Variants in CRYBG1 observed in about 807,000 individuals in gnomAD.
CRYBG1 encodes beta/gamma crystallin domain-containing protein 1.
In CRYBG1, 139 loss-of-function variants were observed where a neutral mutation model predicts 189.2. The observed-to-expected ratio is 0.73, with a 90% CI of 0.64 to 0.85. The LOEUF (loss-of-function observed/expected upper bound fraction) is 0.85. Ranked by LOEUF, CRYBG1 falls within the 40% of genes least tolerant of loss-of-function variation. The probability of loss-of-function intolerance (pLI) is 0.00; values close to 1 mark genes in which losing one functional copy is unlikely to be tolerated. For missense variants in CRYBG1, 2,611 were observed against 2,675.8 expected (o/e 0.98, Z 0.53); for synonymous variants, 1,023 against 1,017.1 (o/e 1.01, Z -0.11).
At chr6:106,379,302 C>T (rs528937768) in intron 1 of CRYBG1, among the ~76,000 whole-genome samples, 2 of 151,258 alleles carry the variant, frequency 1.3e-5, no homozygotes, top group Admixed American at 6.6e-5. Flanking sequence ...CTCTCTGTTG[C>T]CCAGGCTGGA....
At chr6:106,469,151 C>G (rs1446837715) in intron 2 of CRYBG1, among the ~76,000 whole-genome samples, 1 of 152,196 alleles carries the variant, frequency 6.6e-6, no homozygotes, top group Non-Finnish European at 1.5e-5. Context: ...CACACAGAAC[C>G]CTTTCTTGCC....
rs776171328 is a variant in CRYBG1 at position 106,512,613 on chromosome 6, A to G, written c.1496A>G (p.Glu499Gly). ...SPGTKGQLRG[E>G]SDRSKQPPPA... ...GGTACCAAAGGGCAGCTCCGAGGGG[A>G]GTCGGACCGGAGCAAACAGCCACCC... The change falls in exon 3 of 22, where the codon GAG becomes GGG. Residue 499 changes from glutamate to glycine, a missense_variant. This residue lies in a region of CRYBG1 where 985 missense variants were observed against 924.4 expected (regional missense o/e 1.07). Transcript: ENST00000633556. The G allele has an allele frequency of 1.2e-6, 2 of 1,601,140 alleles. No individual in the cohort carries two copies. Among genetic ancestry groups the G allele is most frequent in the Admixed American group, 3.4e-5 (2 of 58,202 alleles).
At chr6:106,550,961 G>A (rs571654790) in intron 13 of CRYBG1, among the ~76,000 whole-genome samples, 3 of 151,992 alleles carry the variant, frequency 2.0e-5, no homozygotes, top group East Asian at 1.9e-4. Flanking sequence ...ATACCCTTAC[G>A]CTTACCATTT....
intron 1 of CRYBG1, among the ~76,000 whole-genome samples, chr6:106,384,104 A>G (rs1040137119): frequency 3.9e-5 from 6 of 152,208 alleles, no homozygotes; most frequent in Admixed American, 6.5e-5. Context: ...CTTGCAGAGC[A>G]CTTACTGCTG....
At position 106,559,554 on chromosome 6, in the gene CRYBG1, C is replaced by T. The variant is rs186007088; in HGVS notation, c.5855+929C>T. On this transcript the variant is annotated intron_variant, in intron 18 of 21. Coordinates refer to ENST00000633556, the MANE Select transcript of CRYBG1 (RefSeq NM_001371242.2). ...ATCCCAGCACTTTGGGAGGGCAAAG[C>T]GGGTGGATCACCTGAGGTCAGGAGT... Among the ~76,000 whole-genome samples, 99 of 152,082 alleles carry T rather than the reference C, an allele frequency of 6.5e-4. 1 individual carries two copies. The Middle Eastern group carries it at 0.017, about 26-fold the overall frequency.
chr6:106,363,487 A>G (rs1771920005), intron 1 of CRYBG1, among the ~76,000 whole-genome samples: 1 of 152,176 alleles, frequency 6.6e-6, no homozygotes, highest in African/African-American at 2.4e-5. Flanking sequence ...TGGTTTAAAG[A>G]GAGTGGCAAA....
At chr6:106,418,574 A>G (rs1286933730) in intron 1 of CRYBG1, among the ~76,000 whole-genome samples, 1 of 152,200 alleles carries the variant, frequency 6.6e-6, no homozygotes, top group Non-Finnish European at 1.5e-5. Flanking sequence ...CTCACCATCA[A>G]CTTACAACTA....
intron 2 of CRYBG1, among the ~76,000 whole-genome samples, chr6:106,453,277 A>C (rs2114440679): frequency 6.6e-6 from 1 of 152,334 alleles, no homozygotes; most frequent in Middle Eastern, 3.4e-3. Flanking sequence ...TTTATATTTC[A>C]TTAGAACATG....
chr6:106,485,889 T>C (rs1185282870), intron 2 of CRYBG1, among the ~76,000 whole-genome samples: 1 of 152,220 alleles, frequency 6.6e-6, no homozygotes, highest in Non-Finnish European at 1.5e-5. Flanking sequence ...TTGAGAATTT[T>C]TGCATGTGCA....
At chr6:106,514,365 T>C (rs1287994225) in intron 3 of CRYBG1, among the ~76,000 whole-genome samples, 1 of 152,226 alleles carries the variant, frequency 6.6e-6, no homozygotes, top group Non-Finnish European at 1.5e-5. Context: ...AATGGTTTCT[T>C]TCATTCTATT....
In CRYBG1 at chr6:106,568,608, C is replaced by T; in HGVS notation, c.*42C>T. On this transcript the variant is annotated 3_prime_UTR_variant, in exon 22 of 22. Coordinates refer to ENST00000633556, the MANE Select transcript of CRYBG1 (RefSeq NM_001371242.2). ...AATCTTCTGGAGGTCCTTCCAGCCA[C>T]CTTATTTCTTAAAAAGGACAATGCT... The T allele has an allele frequency of 6.8e-7, 1 of 1,460,164 alleles. No homozygotes were observed. Among genetic ancestry groups the T allele is most frequent in the Non-Finnish European group, 9.6e-7 (1 of 1,043,870 alleles). 90.5% of individuals were successfully genotyped at this position (1,460,164 alleles called of 1,614,324 possible).
rs943838553 is a variant in CRYBG1 at position 106,511,594 on chromosome 6, G to A, written c.477G>A (p.Lys159=). The change falls in exon 3 of 22, where the codon AAG becomes AAA. Residue 159 remains lysine, a synonymous_variant. Transcript: ENST00000633556. ...LSPKDVVASP[K]LPERESERSR... ...CCAAAGATGTGGTAGCCTCTCCTAAGCTCCCAGAGAGAGAGAGTGAGAGGA... is the reference window on the plus strand; with the variant it reads ...CCAAAGATGTGGTAGCCTCTCCTAAACTCCCAGAGAGAGAGAGTGAGAGGA... 7 of 1,535,856 alleles carry A rather than the reference G, an allele frequency of 4.6e-6. No individual in the cohort carries two copies. Among genetic ancestry groups the A allele is most frequent in the Admixed American group, 3.9e-5 (2 of 50,988 alleles).
chr6:106,568,710 G>GACTC lies in CRYBG1; in HGVS notation c.*146_*149dup. 1.7e-6 allele frequency: 1 copy of GACTC among 585,336 alleles called. No homozygotes were observed. Among genetic ancestry groups the GACTC allele is most frequent in the Non-Finnish European group, 3.0e-6 (1 of 329,494 alleles). The allele number at this position is 585,336 out of a possible 1,614,324, so 36.3% of individuals were successfully genotyped here. A position where few individuals can be genotyped will look rare whatever the true frequency, so the allele number is the denominator to read the frequency against. ...ATTCAACCTTAAATCATGCTGCCAT[G>GACTC]ACTCAGAGAACTTACTCATCGTTTC... On this transcript the variant is annotated 3_prime_UTR_variant, in exon 22 of 22. Transcript: ENST00000633556.
At chr6:106,516,638 G>C (rs555806337) in intron 3 of CRYBG1, among the ~76,000 whole-genome samples, 11 of 152,312 alleles carry the variant, frequency 7.2e-5, no homozygotes, top group African/African-American at 2.6e-4. Flanking sequence ...TAAAGTCTAT[G>C]TTATGTTATG....
At chr6:106,407,672 A>T (rs1770851611) in intron 1 of CRYBG1, among the ~76,000 whole-genome samples, 1 of 152,218 alleles carries the variant, frequency 6.6e-6, no homozygotes, top group African/African-American at 2.4e-5. Flanking sequence ...ATCATAACAA[A>T]CAGTCTCTCA....
chr6:106,402,655 G>A, intron 1 of CRYBG1, among the ~76,000 whole-genome samples: 2 of 151,288 alleles, frequency 1.3e-5, no homozygotes, highest in Non-Finnish European at 2.9e-5. Context: ...ATTCAAGATG[G>A]ATTAAAGATT....
chr6:106,544,701 A>C lies in CRYBG1; in HGVS notation c.5166+4A>C, dbSNP rs200273272. ...GTCTTTACGACCTATATTAGGTGTAAGTAAAGGACAAGCTAATGGCTAATA... is the reference window on the plus strand; with the variant it reads ...GTCTTTACGACCTATATTAGGTGTACGTAAAGGACAAGCTAATGGCTAATA... On this transcript the variant is annotated splice_donor_region_variant and intron_variant, in intron 12 of 21. Coordinates refer to ENST00000633556, the MANE Select transcript of CRYBG1 (RefSeq NM_001371242.2). The C allele has an allele frequency of 6.2e-7, 1 of 1,612,770 alleles. No homozygotes were observed. The highest frequency in any genetic ancestry group is 1.3e-5 in the African/African-American group (1 of 74,820).
chr6:106,366,134 G>A (rs932595639), intron 1 of CRYBG1, among the ~76,000 whole-genome samples: 1 of 152,172 alleles, frequency 6.6e-6, no homozygotes, highest in Non-Finnish European at 1.5e-5. Flanking sequence ...TAGAGTGTTA[G>A]TCTTCGTAAC....
At position 106,375,247 on chromosome 6, in the gene CRYBG1, G is replaced by A. The variant is rs371108212; in HGVS notation, c.173+14166G>A. Among the ~76,000 whole-genome samples the A allele has an allele frequency of 8.7e-4, 132 of 152,108 alleles. 3 individuals are homozygous for A. In the South Asian group the frequency reaches 1.0e-2, roughly 12 times the overall value. On this transcript the variant is annotated intron_variant, in intron 1 of 21. Coordinates refer to ENST00000633556, the MANE Select transcript of CRYBG1 (RefSeq NM_001371242.2). ...AAAAAATTTTTGAAATTAGCCAGGC[G>A]TGGTGGCATGTGCCTGTAGTCCCAA...
Sources: gnomAD v4.1 joint callset for allele counts (sites outside exome capture counted in the v4.1 genomes callset) on GRCh38, gnomAD v4.1.1 for gene constraint, gnomAD v4.1.1 regional missense constraint, MANE v1.5 for transcripts, NCBI Gene and HGNC (gene_info 2026-07-23, HGNC 2026-07-21) for gene names.